SNTB1: variants seen among roughly 807,000 people sequenced by gnomAD.
The protein encoded by SNTB1 is beta-1-syntrophin.
SNTB1 carries 36 observed loss-of-function variants against 48.9 expected under a neutral mutation model. The observed-to-expected ratio is 0.74, with a 90% CI of 0.56 to 0.97. The LOEUF (loss-of-function observed/expected upper bound fraction) is 0.97, where lower values mean the gene tolerates loss of function less well. Among genes scored for constraint, SNTB1 ranks in the 50% least tolerant of loss-of-function variants. The pLI is 0.00. For synonymous variants in SNTB1, 299 were observed against 294.6 expected (o/e 1.01, Z -0.15); for missense variants, 786 against 703.4 (o/e 1.12, Z -1.33).
At chr8:120,700,085 G>T (rs555148695) in intron 1 of SNTB1, among the ~76,000 whole-genome samples, 2 of 152,030 alleles carry the variant, frequency 1.3e-5, no homozygotes, top group African/African-American at 4.8e-5. Context: ...AGGTGAATCC[G>T]GGTAGACTGG....
At chr8:120,726,079 G>C (rs1362358392) in intron 1 of SNTB1, among the ~76,000 whole-genome samples, 1 of 152,116 alleles carries the variant, frequency 6.6e-6, no homozygotes, top group Non-Finnish European at 1.5e-5. Context: ...CCTCAATGAG[G>C]ATTTCTGTTT....
chr8:120,706,526 TCAC>T (rs1296517940), intron 1 of SNTB1, among the ~76,000 whole-genome samples: 1 of 152,162 alleles, frequency 6.6e-6, no homozygotes, highest in East Asian at 1.9e-4. Context: ...CAATTTGCCC[TCAC>T]CACCAAAAAT....
chr8:120,763,839 T>C (rs1819469139), intron 1 of SNTB1, among the ~76,000 whole-genome samples: 2 of 152,162 alleles, frequency 1.3e-5, no homozygotes, highest in Admixed American at 1.3e-4. Context: ...GTTTGTTTTA[T>C]AGAGATGGGG....
At chr8:120,756,409 C>A (rs1819318919) in intron 1 of SNTB1, among the ~76,000 whole-genome samples, 1 of 151,972 alleles carries the variant, frequency 6.6e-6, no homozygotes, top group South Asian at 2.1e-4. Flanking sequence ...TAGTTTGATG[C>A]AGGACACTCA....
At chr8:120,620,392 A>G (rs1187632375) in intron 3 of SNTB1, among the ~76,000 whole-genome samples, 1 of 152,186 alleles carries the variant, frequency 6.6e-6, no homozygotes, top group Admixed American at 6.5e-5. Context: ...AAACTTGTCA[A>G]AAGTCACTCA....
intron 2 of SNTB1, among the ~76,000 whole-genome samples, chr8:120,668,427 T>C (rs1817708683): frequency 6.6e-6 from 1 of 152,254 alleles, no homozygotes; most frequent in South Asian, 2.1e-4. Flanking sequence ...CCATGCTTTT[T>C]CAGATAAATC....
At chr8:120,783,822 A>AT (rs1177517285) in intron 1 of SNTB1, among the ~76,000 whole-genome samples, 1 of 152,184 alleles carries the variant, frequency 6.6e-6, no homozygotes, top group African/African-American at 2.4e-5. Flanking sequence ...TAAAACAAAA[A>AT]TTTTTTTACC....
At position 120,797,546 on chromosome 8, in the gene SNTB1, C is replaced by CTTTTTTTT. The variant is rs60374035; in HGVS notation, c.571+13719_571+13726dup. Among the ~76,000 whole-genome samples, 72 of 69,118 alleles carry CTTTTTTTT rather than the reference C, an allele frequency of 1.0e-3. 4 individuals are homozygous for CTTTTTTTT. The highest frequency in any genetic ancestry group is 2.4e-3 in the African/African-American group (43 of 17,958). 45.3% of individuals were successfully genotyped at this position (69,118 alleles called of 152,430 possible). ...TCATTAACCAAAGCAACTTGTTTCT[C>CTTTTTTTT]TTTTTTTTTTTTTTTTTTTTTTTTT... is the stretch of plus-strand genomic sequence containing the variant. On this transcript the variant is annotated intron_variant, in intron 1 of 6. Transcript: ENST00000517992.
intron 3 of SNTB1, among the ~76,000 whole-genome samples, chr8:120,607,376 CT>C (rs201432492): frequency 4.6e-5 from 7 of 151,282 alleles, no homozygotes; most frequent in South Asian, 4.2e-4. Flanking sequence ...TTTAACTTTT[CT>C]TTTTTTTTCT....
At chr8:120,573,574 C>T (rs1335759165) in intron 4 of SNTB1, among the ~76,000 whole-genome samples, 1 of 151,976 alleles carries the variant, frequency 6.6e-6, no homozygotes, top group African/African-American at 2.4e-5. Flanking sequence ...GCTTTTGTTG[C>T]CTGTGCTATA....
chr8:120,794,202 CA>C (rs1176230886), intron 1 of SNTB1, among the ~76,000 whole-genome samples: 1 of 151,958 alleles, frequency 6.6e-6, no homozygotes, highest in Admixed American at 6.6e-5. Flanking sequence ...TTAGACCATA[CA>C]ATATTCTGAA....
intron 1 of SNTB1, among the ~76,000 whole-genome samples, chr8:120,777,050 A>C (rs1440772792): frequency 6.6e-6 from 1 of 152,184 alleles, no homozygotes; most frequent in Non-Finnish European, 1.5e-5. Context: ...ACTAGGATAC[A>C]TTTCTACCAC....
At chr8:120,562,226 C>T (rs1175597776) in intron 4 of SNTB1, among the ~76,000 whole-genome samples, 1 of 152,206 alleles carries the variant, frequency 6.6e-6, no homozygotes, top group Non-Finnish European at 1.5e-5. Flanking sequence ...TATGCTATCT[C>T]AATCAGTCCT....
intron 3 of SNTB1, among the ~76,000 whole-genome samples, chr8:120,583,893 C>A (rs997853775): frequency 6.6e-6 from 1 of 152,142 alleles, no homozygotes; most frequent in Non-Finnish European, 1.5e-5. Flanking sequence ...GGTAATACAT[C>A]ATGACTAAGC....
intron 1 of SNTB1, among the ~76,000 whole-genome samples, chr8:120,744,002 T>G (rs1010440712): frequency 6.6e-6 from 1 of 152,132 alleles, no homozygotes; most frequent in African/African-American, 2.4e-5. Context: ...TGGTGGCATA[T>G]GCCTGTGGTC....
rs59880693 is a variant in SNTB1, at chr8:120,764,022, G to T, written c.571+47251C>A. On this transcript the variant is annotated intron_variant, in intron 1 of 6. Coordinates refer to ENST00000517992, the MANE Select transcript of SNTB1 (RefSeq NM_021021.4). ...CATAATACTTATGGAGAGTAATTTG[G>T]CAATGTTCTCAAAGTCATAAGGTCA... 8.9e-3 allele frequency among the ~76,000 whole-genome samples: 1,357 copies of T among 152,224 alleles called. 11 individuals are homozygous for T. Among genetic ancestry groups the T allele is most frequent in the Middle Eastern group, 0.034 (10 of 294 alleles).
intron 3 of SNTB1, among the ~76,000 whole-genome samples, chr8:120,595,324 A>T (rs1232928123): frequency 6.6e-6 from 1 of 152,200 alleles, no homozygotes; most frequent in Admixed American, 6.5e-5. Flanking sequence ...GCAGTAAAGA[A>T]GCTGGCCAAA....
At chr8:120,538,999 G>T in intron 6 of SNTB1, 30 bp from the exon 7 acceptor site, 1 of 1,542,276 alleles carries the variant, frequency 6.5e-7, no homozygotes. Context: ...GAGCATGAGC[G>T]ATTTTAAATT....
At chr8:120,567,268 G>A (rs960698350) in intron 4 of SNTB1, among the ~76,000 whole-genome samples, 1 of 152,204 alleles carries the variant, frequency 6.6e-6, no homozygotes, top group Non-Finnish European at 1.5e-5. Context: ...ATCTAAGGCA[G>A]GGTTCTGAAG....
Sources: allele counts gnomAD v4.1 joint callset (sites outside exome capture counted in the v4.1 genomes callset), GRCh38; gene constraint gnomAD v4.1.1; transcripts MANE v1.5; gene names NCBI Gene and HGNC (gene_info 2026-07-23, HGNC 2026-07-21).